The following BAG5 variants were observed in gnomAD, a reference collection of about 807,000 sequenced individuals.
BAG5 encodes BAG cochaperone 5, also known as BAG family molecular chaperone regulator 5.
A neutral mutation model predicts 31.8 loss-of-function variants in BAG5; 25 were observed. The ratio of observed to expected loss-of-function variants is 0.79; its 90% CI spans 0.57 to 1.10. The LOEUF is 1.10. Among genes scored for constraint, BAG5 ranks in the 50% least tolerant of loss-of-function variants. The pLI is 0.00. For synonymous variants in BAG5, 208 were observed against 205.0 expected (o/e 1.01, Z -0.13); for missense variants, 491 against 527.9 (o/e 0.93, Z 0.68).
intron 1 of BAG5, 51 bp from the exon 2 acceptor site, chr14:103,561,243 A>G: frequency 6.7e-7 from 1 of 1,497,142 alleles, no homozygotes; most frequent in South Asian, 1.3e-5. Flanking sequence ...CTTCTGCAGA[A>G]CACTAATGGT....
Position 103,560,589 on chromosome 14 carries a change from C to A in BAG5, c.576G>T (p.Glu192Asp). Residue 192 changes from glutamate to aspartate, a missense_variant, in exon 2 of 2, where the codon GAG (glutamate) becomes GAT (aspartate). Coordinates refer to ENST00000299204, the MANE Select transcript of BAG5 (RefSeq NM_001015048.3). Reference sequence around the variant, plus strand: ...TCAGGACCCCTCGGGCCTTGTTCACCTCACACATCACGAAGTTGATTTTGG... The same window carrying A: ...TCAGGACCCCTCGGGCCTTGTTCACATCACACATCACGAAGTTGATTTTGG... ...SVAKINFVMCEVNKARGVLIA... is the reference protein window; with the variant it reads ...SVAKINFVMCDVNKARGVLIA... 1 of 1,614,126 alleles carries A rather than the reference C, an allele frequency of 6.2e-7. No homozygotes were observed. The highest frequency in any genetic ancestry group is 8.5e-7 in the Non-Finnish European group (1 of 1,180,032).
At position 103,559,115 on chromosome 14, in the gene BAG5, A is replaced by AT. The variant is rs1338595155; in HGVS notation, c.*705dup. 40 of 152,158 alleles carry AT rather than the reference A, an allele frequency of 2.6e-4. No homozygotes were observed. The highest frequency in any genetic ancestry group is 2.6e-3 in the Admixed American group (40 of 15,262). 9.4% of individuals were successfully genotyped at this position (152,158 alleles called of 1,614,324 possible). On this transcript the variant is annotated 3_prime_UTR_variant, in exon 2 of 2. Transcript: ENST00000299204. ...TACAAACAAAAGCAACTTACAAGGTATTATTGCTGGTCCTTTATCCCTTCT... is the reference window on the plus strand; with the variant it reads ...TACAAACAAAAGCAACTTACAAGGTATTTATTGCTGGTCCTTTATCCCTTCT...
chr14:103,560,319 G>A lies in BAG5; in HGVS notation c.846C>T (p.Val282=), dbSNP rs749328414. The part of the protein sequence containing the change: ...QNHSILKIEK[V]LKRMREIKNE... Reference sequence around the variant, plus strand: ...TTTTTATTTCTCTCATTCTCTTGAGGACCTTTTCTATTTTTAAAATGGAAT... The same window carrying A: ...TTTTTATTTCTCTCATTCTCTTGAGAACCTTTTCTATTTTTAAAATGGAAT... The change falls in exon 2 of 2, where the codon GTC becomes GTT. Residue 282 remains valine (V), a synonymous_variant. Coordinates refer to ENST00000299204, the MANE Select transcript of BAG5 (RefSeq NM_001015048.3). 3.1e-6 allele frequency: 5 copies of A among 1,614,058 alleles called. No homozygotes were observed. In the South Asian group the frequency reaches 5.5e-5, roughly 18 times the overall value.
intron 1 of BAG5, chr14:103,561,931 A>C (rs146624932): frequency 1.2e-6 from 2 of 1,612,818 alleles, no homozygotes; most frequent in African/African-American, 1.3e-5. Context: ...GGGAGTCCAC[A>C]ATGGCCTAAT....
At position 103,560,856 on chromosome 14, in the gene BAG5, G is replaced by A. The variant is rs1365316595; in HGVS notation, c.309C>T (p.Ser103=). Residue 103 remains serine (S), a synonymous_variant, in exon 2 of 2, where the codon TCC becomes TCT. Coordinates refer to ENST00000299204, the MANE Select transcript of BAG5 (RefSeq NM_001015048.3). ...EIQNIFEEAQ[S]LVREKIVPFY... ...ATGGCACAATTTTCTCTCTCACGAG[G>A]GACTGGGCTTCCTCAAAAATGTTCT... The A allele has an allele frequency of 6.2e-7, 1 of 1,613,992 alleles. No homozygotes were observed. Among genetic ancestry groups the A allele is most frequent in the South Asian group, 1.1e-5 (1 of 91,070 alleles).
At position 103,556,877 on chromosome 14, in the gene BAG5, T is replaced by C. The variant is rs1439182853; in HGVS notation, c.*2944A>G. On this transcript the variant is annotated 3_prime_UTR_variant, in exon 2 of 2. Coordinates refer to ENST00000299204, the MANE Select transcript of BAG5 (RefSeq NM_001015048.3). The stretch of plus-strand genomic sequence containing the variant: ...AAAAACCAGATAGAAATTGACAAAG[T>C]CAAACAAAGGAGAAAAACTAGCTGA... The C allele has an allele frequency of 1.3e-5, 2 of 152,078 alleles. No individual in the cohort carries two copies. Among genetic ancestry groups the C allele is most frequent in the Admixed American group, 1.3e-4 (2 of 15,274 alleles). The allele number at this position is 152,078 out of a possible 1,614,324, so 9.4% of individuals were successfully genotyped here. A position where few individuals can be genotyped will look rare whatever the true frequency, so the allele number is the denominator to read the frequency against.
rs1256452674 is a variant in BAG5, at chr14:103,560,779, T to A, written c.386A>T (p.Asp129Val). ...AACATGTGTCAGCCTCAGAATGATATCTTGGATGCCTTCTTCAAACTCATC... is the reference window on the plus strand; with the variant it reads ...AACATGTGTCAGCCTCAGAATGATAACTTGGATGCCTTCTTCAAACTCATC... The part of the protein sequence containing the change: ...VTDEFEEGIQ[D>V]IILRLTHVKT... Residue 129 changes from aspartate to valine, a missense_variant, in exon 2 of 2, where the codon GAT (aspartate) becomes GTT (valine). Transcript: ENST00000299204. 1.9e-6 allele frequency: 3 copies of A among 1,614,020 alleles called. No homozygotes were observed. Among genetic ancestry groups the A allele is most frequent in the Non-Finnish European group, 1.7e-6 (2 of 1,180,042 alleles).
At chr14:103,561,589 T>C (rs889110318) in intron 1 of BAG5, among the ~76,000 whole-genome samples, 4 of 152,148 alleles carry the variant, frequency 2.6e-5, no homozygotes, top group Non-Finnish European at 5.9e-5. Flanking sequence ...ATGCCTAGTT[T>C]CCAGAAACTC....
chr14:103,562,379 G>T (rs1051227296), intron 1 of BAG5: 1 of 275,670 alleles, frequency 3.6e-6, no homozygotes. Context: ...GAAGCCGGGG[G>T]AGGAGGGGAA....
intron 1 of BAG5, chr14:103,561,868 A>C: frequency 1.4e-6 from 2 of 1,477,328 alleles, no homozygotes; most frequent in Non-Finnish European, 1.9e-6. Context: ...TCAAAAAAAA[A>C]CAACCCGCGA....
intron 1 of BAG5, chr14:103,561,752 AT>A: frequency 1.6e-6 from 1 of 615,850 alleles, no homozygotes. Flanking sequence ...CCCTGAAGAG[AT>A]TAAAACCCCA....
rs2076084943 is a variant in BAG5, at chr14:103,562,341, G to A, written c.-29+275C>T. On this transcript the variant is annotated intron_variant, in intron 1 of 1. Coordinates refer to ENST00000299204, the MANE Select transcript of BAG5 (RefSeq NM_001015048.3). ...TGCAGGACGTGACCTCACAATGGGC[G>A]CGCGAGGGGAGCTCGGCCCGGCCGG... 8 of 309,946 alleles carry A rather than the reference G, an allele frequency of 2.6e-5. No homozygotes were observed. The South Asian group carries it at 2.7e-4, about 11-fold the overall frequency. The allele number at this position is 309,946 out of a possible 1,614,324, so 19.2% of individuals were successfully genotyped here.
chr14:103,556,754 G>C lies in BAG5; in HGVS notation c.*3067C>G, dbSNP rs14906. ...CGATGGCCAATATTTCTCTTATTAA[G>C]AGAAAAATACCCAACAAATTAAAAG... On this transcript the variant is annotated 3_prime_UTR_variant, in exon 2 of 2. Transcript: ENST00000299204. The C allele has an allele frequency of 2.6e-5, 4 of 151,204 alleles. No individual in the cohort carries two copies. Among genetic ancestry groups the C allele is most frequent in the Admixed American group, 6.6e-5 (1 of 15,198 alleles). 9.4% of individuals were successfully genotyped at this position (151,204 alleles called of 1,614,324 possible). A position where few individuals can be genotyped will look rare whatever the true frequency, so the allele number is the denominator to read the frequency against.
Position 103,560,533 on chromosome 14 carries a change from T to G in BAG5, c.632A>C (p.Glu211Ala). The change falls in exon 2 of 2, where the codon GAG becomes GCG. Residue 211 changes from glutamate (E) to alanine (A), a missense_variant. Physicochemically the swap from Glu to Ala is moderately radical, Grantham distance 107 (BLOSUM62 -1). Coordinates refer to ENST00000299204, the MANE Select transcript of BAG5 (RefSeq NM_001015048.3). ...IALLMGVNNNETCRHLSCVLS... is the reference protein window; with the variant it reads ...IALLMGVNNNATCRHLSCVLS... ...CACACAGGATAAGTGCCTGCAGGTC[T>G]CATTGTTGTTCACACCCATCAGAAG... 2 of 1,614,080 alleles carry G rather than the reference T, an allele frequency of 1.2e-6. No homozygotes were observed. The highest frequency in any genetic ancestry group is 8.5e-7 in the Non-Finnish European group (1 of 1,180,026).
At position 103,560,995 on chromosome 14, in the gene BAG5, T is replaced by G. The variant is rs149290250; in HGVS notation, c.170A>C (p.Asp57Ala). ...CTGAATATCTCCTTTTCCTTCAGTA[T>G]CTACAGAGTCTATTTCAAAAAGCTG... ...TKQLFEIDSV[D>A]TEGKGDIQQA... Residue 57 changes from aspartate (D) to alanine (A), a missense_variant, in exon 2 of 2, where the codon GAT (aspartate) becomes GCT (alanine). Physicochemically the swap from Asp to Ala is moderately radical, Grantham distance 126. Transcript: ENST00000299204. 6.2e-6 allele frequency: 10 copies of G among 1,614,168 alleles called. No individual in the cohort carries two copies. In the South Asian group the frequency reaches 9.9e-5, roughly 16 times the overall value.
intron 1 of BAG5, chr14:103,561,782 C>T: frequency 1.5e-6 from 1 of 656,214 alleles, no homozygotes; most frequent in Non-Finnish European, 2.7e-6. Flanking sequence ...GAAGAGCGAC[C>T]GGGACAGCGC....
In BAG5 at chr14:103,556,575, T is replaced by A. The variant is rs2076040345; in HGVS notation, c.*3246A>T. 1 of 152,088 alleles carries A rather than the reference T, an allele frequency of 6.6e-6. No individual in the cohort carries two copies. Among genetic ancestry groups the A allele is most frequent in the African/African-American group, 2.4e-5 (1 of 41,406 alleles). The allele number at this position is 152,088 out of a possible 1,614,324, so 9.4% of individuals were successfully genotyped here. On this transcript the variant is annotated 3_prime_UTR_variant, in exon 2 of 2. Coordinates refer to ENST00000299204, the MANE Select transcript of BAG5 (RefSeq NM_001015048.3). ...CTCCACTGCAAGCGTAAGAGACTGG[T>A]TTTATTTCAAGAATAACTAAGGGTA...
intron 1 of BAG5, chr14:103,561,855 C>T: frequency 7.6e-7 from 1 of 1,314,858 alleles, no homozygotes; most frequent in South Asian, 1.2e-5. Context: ...ATGCTCCACT[C>T]TCTCAAAAAA....
At position 103,559,697 on chromosome 14, in the gene BAG5, ATT is replaced by A; in HGVS notation, c.*122_*123del. 8.5e-7 allele frequency: 1 copy of A among 1,171,574 alleles called. No homozygotes were observed. The highest frequency in any genetic ancestry group is 1.2e-6 in the Non-Finnish European group (1 of 839,770). 72.6% of individuals were successfully genotyped at this position (1,171,574 alleles called of 1,614,324 possible). A position where few individuals can be genotyped will look rare whatever the true frequency, so the allele number is the denominator to read the frequency against. ...TCAAAAGCAGCAGATACTGAATAGAATTTGCTTCAATCATAAATACTGAGACT... is the reference window on the plus strand; with the variant it reads ...TCAAAAGCAGCAGATACTGAATAGAATGCTTCAATCATAAATACTGAGACT... On this transcript the variant is annotated 3_prime_UTR_variant, in exon 2 of 2. Coordinates refer to ENST00000299204, the MANE Select transcript of BAG5 (RefSeq NM_001015048.3).
Sources: allele counts gnomAD v4.1 joint callset (sites outside exome capture counted in the v4.1 genomes callset), GRCh38; gene constraint gnomAD v4.1.1; transcripts MANE v1.5; gene names NCBI Gene and HGNC (gene_info 2026-07-23, HGNC 2026-07-21).